Variants in COL13A1 observed in about 807,000 individuals in gnomAD.
The protein encoded by COL13A1 is collagen alpha-1(XIII) chain.
COL13A1 carries 89 observed loss-of-function variants against 130.9 expected under a neutral mutation model. That is an observed-to-expected ratio of 0.68 (90% CI 0.57 to 0.81). The LOEUF is 0.81. Ranked by LOEUF, COL13A1 falls within the 30% of genes least tolerant of loss-of-function variation. The pLI, the probability that COL13A1 is intolerant of heterozygous loss-of-function variation, is 0.00. For missense variants in COL13A1, 879 were observed against 934.6 expected (o/e 0.94, Z 0.78); for synonymous variants, 402 against 341.6 (o/e 1.18, Z -1.95).
At chr10:69,932,394 C>G (rs770177680) in intron 30 of COL13A1, among the ~76,000 whole-genome samples, 166 bp from the exon 31 acceptor site, 8 of 152,180 alleles carry the variant, frequency 5.3e-5, no homozygotes, top group African/African-American at 7.2e-5. Context: ...TGTACTAGAG[C>G]CTCAGATTCT....
intron 2 of COL13A1, among the ~76,000 whole-genome samples, chr10:69,860,077 C>T (rs1228685742): frequency 6.6e-6 from 1 of 152,196 alleles, no homozygotes; most frequent in Non-Finnish European, 1.5e-5. Flanking sequence ...AAGGCAGAGT[C>T]AGGGGGTCTG....
intron 1 of COL13A1, among the ~76,000 whole-genome samples, chr10:69,816,091 G>A (rs1844420111): frequency 6.6e-6 from 1 of 151,410 alleles, no homozygotes; most frequent in Admixed American, 6.6e-5. Flanking sequence ...TCAGAGGCCT[G>A]TGTGATTACC....
intron 2 of COL13A1, among the ~76,000 whole-genome samples, chr10:69,866,307 A>G (rs1268892008): frequency 2.0e-5 from 3 of 152,198 alleles, no homozygotes; most frequent in Non-Finnish European, 4.4e-5. Flanking sequence ...GGGCATCACC[A>G]GAGCCTGCCA....
At chr10:69,836,868 T>C (rs766456114) in intron 2 of COL13A1, among the ~76,000 whole-genome samples, 6 of 150,514 alleles carry the variant, frequency 4.0e-5, no homozygotes, top group Non-Finnish European at 8.9e-5. Context: ...CACAGAAAGA[T>C]GCCCAGCAGG....
intron 2 of COL13A1, among the ~76,000 whole-genome samples, chr10:69,844,776 C>T (rs556112835): frequency 2.6e-5 from 4 of 152,264 alleles, no homozygotes; most frequent in Non-Finnish European, 4.4e-5. Flanking sequence ...TTTTTGAGAC[C>T]GTAAAGTACA....
intron 2 of COL13A1, among the ~76,000 whole-genome samples, chr10:69,866,813 T>A (rs1041570402): frequency 3.9e-5 from 6 of 151,952 alleles, no homozygotes; most frequent in African/African-American, 1.5e-4. Flanking sequence ...GCTCTGGGAA[T>A]GGGAGGAGCA....
intron 13 of COL13A1, among the ~76,000 whole-genome samples, chr10:69,895,941 G>A (rs1406678018): frequency 6.6e-6 from 1 of 152,140 alleles, no homozygotes; most frequent in Non-Finnish European, 1.5e-5. Flanking sequence ...GTGTGAGTCT[G>A]TTTGACTCCC....
intron 5 of COL13A1, among the ~76,000 whole-genome samples, chr10:69,875,380 C>T (rs1290800933): frequency 6.6e-6 from 1 of 152,214 alleles, no homozygotes; most frequent in Non-Finnish European, 1.5e-5. Flanking sequence ...CACTACTCTC[C>T]AGAGAGCTGC....
chr10:69,864,708 G>A (rs1859303756), intron 2 of COL13A1, among the ~76,000 whole-genome samples: 1 of 152,210 alleles, frequency 6.6e-6, no homozygotes, highest in Non-Finnish European at 1.5e-5. Context: ...CTTCATGGGG[G>A]TCCATCCCTA....
At chr10:69,901,914 C>G (rs750503826) in intron 14 of COL13A1, among the ~76,000 whole-genome samples, 3 of 152,186 alleles carry the variant, frequency 2.0e-5, no homozygotes, top group African/African-American at 4.8e-5. Context: ...AGCCTCCCCA[C>G]GCAGCATAAA....
Position 69,958,931 on chromosome 10 carries a change from C to T in COL13A1, c.*230C>T, listed in dbSNP as rs3087817. 7.3e-6 allele frequency: 4 copies of T among 551,568 alleles called. No homozygotes were observed. The highest frequency in any genetic ancestry group is 4.8e-4 in the Middle Eastern group (1 of 2,094). The allele number at this position is 551,568 out of a possible 1,614,324, so 34.2% of individuals were successfully genotyped here. A position where few individuals can be genotyped will look rare whatever the true frequency, so the allele number is the denominator to read the frequency against. On this transcript the variant is annotated 3_prime_UTR_variant, in exon 41 of 41. Coordinates refer to ENST00000645393, the MANE Select transcript of COL13A1 (RefSeq NM_001368882.1). ...TACATTTTTTGTTTGGTCGTAATGTCTGCATGATATTTGTGCACATTTATT... is the reference window on the plus strand; with the variant it reads ...TACATTTTTTGTTTGGTCGTAATGTTTGCATGATATTTGTGCACATTTATT...
Position 69,936,901 on chromosome 10 carries a change from G to T in COL13A1, c.1797+119G>T, listed in dbSNP as rs1180608552. 4 of 1,147,290 alleles carry T rather than the reference G, an allele frequency of 3.5e-6. No individual in the cohort carries two copies. In the South Asian group the frequency reaches 4.1e-5, roughly 12 times the overall value. The allele number at this position is 1,147,290 out of a possible 1,614,324, so 71.1% of individuals were successfully genotyped here. A position where few individuals can be genotyped will look rare whatever the true frequency, so the allele number is the denominator to read the frequency against. ...ATTAGGTGACACTCCAGCCAAGGGG[G>T]TCCAGTCAGGGCAGGAGGAAGTCCT... On this transcript the variant is annotated intron_variant, in intron 33 of 40. Transcript: ENST00000645393.
chr10:69,820,943 C>A (rs1290124588), intron 1 of COL13A1, among the ~76,000 whole-genome samples: 5 of 152,114 alleles, frequency 3.3e-5, no homozygotes, highest in South Asian at 2.1e-4. Flanking sequence ...TCCCTCCCCA[C>A]CCCCAAACCA....
At chr10:69,824,034 G>A (rs1467405831) in intron 2 of COL13A1, 3 of 466,928 alleles carry the variant, frequency 6.4e-6, no homozygotes, top group Admixed American at 2.4e-5. Flanking sequence ...TGCTGGTCAA[G>A]GGCAGGATAT....
intron 19 of COL13A1, among the ~76,000 whole-genome samples, chr10:69,918,850 C>T (rs951464329): frequency 6.6e-6 from 1 of 152,218 alleles, no homozygotes; most frequent in Non-Finnish European, 1.5e-5. Context: ...ACACCCCTCA[C>T]CTGGGGAAGA....
chr10:69,808,839 C>T (rs1842259102), intron 1 of COL13A1, among the ~76,000 whole-genome samples: 1 of 152,206 alleles, frequency 6.6e-6, no homozygotes, highest in Non-Finnish European at 1.5e-5. Flanking sequence ...TCGCAGCGTC[C>T]CCGGCCCTGG....
intron 5 of COL13A1, chr10:69,877,451 A>G (rs1303074935): frequency 1.3e-5 from 2 of 152,622 alleles, no homozygotes; most frequent in Non-Finnish European, 2.9e-5. Flanking sequence ...TAGCTTGGCA[A>G]AGCTTTGTTC....
At chr10:69,856,340 A>C (rs548276821) in intron 2 of COL13A1, among the ~76,000 whole-genome samples, 1 of 152,330 alleles carries the variant, frequency 6.6e-6, no homozygotes, top group Non-Finnish European at 1.5e-5. Context: ...ACTTTGCCAC[A>C]GTCTCCACCA....
At chr10:69,852,301 G>A (rs531479260) in intron 2 of COL13A1, among the ~76,000 whole-genome samples, 10 of 152,136 alleles carry the variant, frequency 6.6e-5, no homozygotes, top group Admixed American at 2.0e-4. Flanking sequence ...TATCACCTGC[G>A]GCTAGAGATA....
Sources: gnomAD v4.1 joint callset for allele counts (sites outside exome capture counted in the v4.1 genomes callset) on GRCh38, gnomAD v4.1.1 for gene constraint, MANE v1.5 for transcripts, NCBI Gene and HGNC (gene_info 2026-07-23, HGNC 2026-07-21) for gene names.